TBCK: variants seen among roughly 807,000 people sequenced by gnomAD.
TBCK encodes TBC domain-containing protein kinase-like protein.
In TBCK, 99 loss-of-function variants were observed where a neutral mutation model predicts 113.4. The observed-to-expected ratio is 0.87, with a 90% CI of 0.74 to 1.03. The LOEUF (loss-of-function observed/expected upper bound fraction) is 1.03. TBCK is among the 50% of genes least tolerant of loss of function. The probability of loss-of-function intolerance (pLI) is 0.00; values close to 1 mark genes in which losing one functional copy is unlikely to be tolerated. For missense variants in TBCK, 1,045 were observed against 1,061.3 expected, an observed-to-expected ratio of 0.98 and a Z score of 0.21; for synonymous variants, 369 against 370.8, an observed-to-expected ratio of 1.00 and a Z score of 0.05.
chr4:106,272,519 T>C (rs2125749365), intron 3 of TBCK, among the ~76,000 whole-genome samples: 1 of 141,882 alleles, frequency 7.0e-6, no homozygotes, highest in East Asian at 2.0e-4. Context: ...TGAGACAGAG[T>C]CTTGCTCTGT....
chr4:106,278,514 G>GTGCCAC (rs1258411178), intron 3 of TBCK, among the ~76,000 whole-genome samples: 2 of 136,896 alleles, frequency 1.5e-5, no homozygotes, highest in Non-Finnish European at 3.0e-5. Context: ...AGCCCAGATC[G>GTGCCAC]TGCCACTGCA....
chr4:106,308,259 C>T (rs1430791400), intron 2 of TBCK, among the ~76,000 whole-genome samples: 1 of 152,046 alleles, frequency 6.6e-6, no homozygotes, highest in African/African-American at 2.4e-5. Context: ...AGGTCCTTAT[C>T]CTCAAGAACT....
intron 3 of TBCK, among the ~76,000 whole-genome samples, chr4:106,281,281 A>G (rs1480653293): frequency 1.3e-5 from 2 of 149,430 alleles, no homozygotes; most frequent in Non-Finnish European, 3.0e-5. Context: ...AACTTTACTG[A>G]ATTCATTTAT....
intron 20 of TBCK, among the ~76,000 whole-genome samples, chr4:106,195,137 C>T (rs1389891673): frequency 1.3e-5 from 2 of 152,006 alleles, no homozygotes; most frequent in East Asian, 3.9e-4. Flanking sequence ...GGCTTGGGGG[C>T]TGCCAATTTA....
intron 9 of TBCK, 114 bp downstream of exon 9, chr4:106,248,131 A>T (rs1305799523): frequency 1.3e-5 from 7 of 557,320 alleles, no homozygotes; most frequent in Non-Finnish European, 2.1e-5. Flanking sequence ...GATGTCAATT[A>T]TATACTACTC....
chr4:106,237,599 T>C lies in TBCK; in HGVS notation c.1171-791A>G, dbSNP rs540630350. The C allele has an allele frequency of 6.9e-4, 314 of 452,096 alleles. 2 individuals carry two copies. The highest frequency in any genetic ancestry group is 5.9e-3 in the African/African-American group (293 of 50,052). 28.0% of individuals were successfully genotyped at this position (452,096 alleles called of 1,614,324 possible). A position where few individuals can be genotyped will look rare whatever the true frequency, so the allele number is the denominator to read the frequency against. On this transcript the variant is annotated intron_variant, in intron 12 of 25. Coordinates refer to ENST00000394708, the MANE Select transcript of TBCK (RefSeq NM_001163435.3). ...GCAGCAAGCACTGATCTTCTGCTGA[T>C]TAGAGTCTTTGTGCACCCATGTGAG...
chr4:106,268,686 G>A (rs1763208034), intron 3 of TBCK, among the ~76,000 whole-genome samples: 2 of 152,050 alleles, frequency 1.3e-5, no homozygotes, highest in Admixed American at 1.3e-4. Context: ...GATATACTGG[G>A]TAACAGGATA....
intron 23 of TBCK, among the ~76,000 whole-genome samples, chr4:106,145,946 G>T (rs1308209954): frequency 6.6e-6 from 1 of 152,150 alleles, no homozygotes; most frequent in Non-Finnish European, 1.5e-5. Flanking sequence ...ACTGTTTGTG[G>T]GAGTAAAAAT....
intron 19 of TBCK, among the ~76,000 whole-genome samples, chr4:106,217,076 T>C (rs1333069590): frequency 1.3e-5 from 2 of 151,516 alleles, no homozygotes; most frequent in African/African-American, 4.8e-5. Flanking sequence ...CACAAATCAA[T>C]AAATGTAATC....
At chr4:106,192,142 A>C (rs2290607) in intron 22 of TBCK, among the ~76,000 whole-genome samples, 1 of 151,898 alleles carries the variant, frequency 6.6e-6, no homozygotes, top group Non-Finnish European at 1.5e-5. Flanking sequence ...AGTTGCATGA[A>C]TTTTTTAACA....
chr4:106,306,393 C>T (rs1312786228), intron 2 of TBCK, among the ~76,000 whole-genome samples: 1 of 151,912 alleles, frequency 6.6e-6, no homozygotes, highest in Non-Finnish European at 1.5e-5. Flanking sequence ...CCTTGATATT[C>T]TTCAACGCAA....
chr4:106,051,581 C>T (rs1031676715), intron 25 of TBCK, among the ~76,000 whole-genome samples: 2 of 150,770 alleles, frequency 1.3e-5, no homozygotes, highest in Non-Finnish European at 3.0e-5. Flanking sequence ...TGCTATTAGT[C>T]TTATGCCTCC....
chr4:106,135,647 C>G (rs1746468223), intron 23 of TBCK, among the ~76,000 whole-genome samples: 1 of 141,806 alleles, frequency 7.1e-6, no homozygotes, highest in Non-Finnish European at 1.6e-5. Context: ...AAGTGGGTTA[C>G]TATAAAAGCT....
At chr4:106,202,222 AAAG>A (rs1754970025) in intron 20 of TBCK, among the ~76,000 whole-genome samples, 2 of 152,034 alleles carry the variant, frequency 1.3e-5, no homozygotes, top group African/African-American at 4.8e-5. Context: ...CAGAAAATAA[AAAG>A]AATAGACTCC....
At chr4:106,230,183 C>T (rs555111557) in intron 19 of TBCK, among the ~76,000 whole-genome samples, 180 bp downstream of exon 19, 36 of 151,972 alleles carry the variant, frequency 2.4e-4, no homozygotes, top group East Asian at 1.7e-3. Flanking sequence ...TAGAAAAATA[C>T]CATAATTCTT....
Position 106,233,630 on chromosome 4 carries a change from G to A in TBCK, c.1470C>T (p.Tyr490=), listed in dbSNP as rs56118383. ...TTGGAGTGTCTTTATCAATTGCATC[G>A]TACTTGGCATGAATAGCTCCCTGCA... The part of the protein sequence containing the change: ...LGVEGAIHAK[Y]DAIDKDTPIP... Residue 490 remains tyrosine, a synonymous_variant, in exon 16 of 26, where the codon TAC becomes TAT. Transcript: ENST00000394708. 9.8e-4 allele frequency: 1,578 copies of A among 1,610,276 alleles called. 1 individual carries two copies. The highest frequency in any genetic ancestry group is 1.7e-3 in the Middle Eastern group (10 of 5,866).
chr4:106,204,093 A>T (rs529687532), intron 20 of TBCK, among the ~76,000 whole-genome samples: 13 of 152,316 alleles, frequency 8.5e-5, no homozygotes, highest in African/African-American at 2.9e-4. Flanking sequence ...AAACTCTAGT[A>T]ATATTAAATA....
rs192317081 is a variant in TBCK at position 106,299,483 on chromosome 4, G to T, written c.194-4317C>A. Among the ~76,000 whole-genome samples the T allele has an allele frequency of 1.2e-3, 178 of 152,224 alleles. 1 individual carries two copies. Among genetic ancestry groups the T allele is most frequent in the African/African-American group, 4.0e-3 (166 of 41,536 alleles). ...CACAACTAAAATTTTTCAGGTTTCT[G>T]GAAACCCCTTCAAAACATCATAAAC... On this transcript the variant is annotated intron_variant, in intron 2 of 25. Coordinates refer to ENST00000394708, the MANE Select transcript of TBCK (RefSeq NM_001163435.3).
At chr4:106,087,163 T>A (rs566195032) in intron 25 of TBCK, among the ~76,000 whole-genome samples, 21 of 152,364 alleles carry the variant, frequency 1.4e-4, no homozygotes, top group African/African-American at 3.6e-4. Flanking sequence ...GCAGATAACA[T>A]GATTTTATAT....
Sources: allele counts gnomAD v4.1 joint callset (sites outside exome capture counted in the v4.1 genomes callset), GRCh38; gene constraint gnomAD v4.1.1; transcripts MANE v1.5; gene names NCBI Gene and HGNC (gene_info 2026-07-23, HGNC 2026-07-21).